Variants in LINGO2 observed in about 807,000 individuals in gnomAD.
LINGO2 encodes leucine rich repeat and Ig domain containing 2.
In LINGO2, 14 loss-of-function variants were observed where a neutral mutation model predicts 30.6. That is an observed-to-expected ratio of 0.46 (90% CI 0.30 to 0.72). The LOEUF (loss-of-function observed/expected upper bound fraction) is 0.72. LINGO2 is among the 30% of genes least tolerant of loss of function. The pLI, the probability that LINGO2 is intolerant of heterozygous loss-of-function variation, is 0.07. For synonymous variants in LINGO2, 317 were observed against 288.5 expected (o/e 1.10, Z -1.00); for missense variants, 729 against 751.7 (o/e 0.97, Z 0.35).
intron 5 of LINGO2, among the ~76,000 whole-genome samples, chr9:27,959,938 T>G (rs1366846186): frequency 6.6e-6 from 1 of 152,176 alleles, no homozygotes; most frequent in Non-Finnish European, 1.5e-5. Flanking sequence ...GTTTCATGTA[T>G]GTTAAAGCTC....
chr9:28,748,364 T>C, the LINGO2 span, among the ~76,000 whole-genome samples: 1 of 142,116 alleles, frequency 7.0e-6, no homozygotes, highest in African/African-American at 2.7e-5. Context: ...TCCCTAGATA[T>C]TTATTTTACT....
intron 1 of LINGO2, among the ~76,000 whole-genome samples, chr9:28,478,580 G>T (rs973778245): frequency 6.6e-6 from 1 of 152,048 alleles, no homozygotes; most frequent in South Asian, 2.1e-4. Flanking sequence ...ATTCTTGAAT[G>T]ATTCCTATTG....
chr9:28,346,342 G>T (rs1819567908), intron 3 of LINGO2, among the ~76,000 whole-genome samples: 1 of 152,118 alleles, frequency 6.6e-6, no homozygotes, highest in South Asian at 2.1e-4. Context: ...ATGGCCTCCA[G>T]CTCCATCCAT....
intron 5 of LINGO2, among the ~76,000 whole-genome samples, chr9:27,995,489 A>T (rs1459517121): frequency 6.6e-6 from 1 of 152,208 alleles, no homozygotes; most frequent in Non-Finnish European, 1.5e-5. Flanking sequence ...TAAACAAAAT[A>T]TTAGCAAACC....
chr9:28,091,557 G>T (rs1425374775), intron 4 of LINGO2, among the ~76,000 whole-genome samples: 1 of 152,024 alleles, frequency 6.6e-6, no homozygotes, highest in Non-Finnish European at 1.5e-5. Flanking sequence ...AATTCAAGAT[G>T]GATTAAAGCT....
At chr9:28,347,797 T>C (rs1819650229) in intron 3 of LINGO2, among the ~76,000 whole-genome samples, 1 of 152,190 alleles carries the variant, frequency 6.6e-6, no homozygotes, top group Non-Finnish European at 1.5e-5. Flanking sequence ...GAGAACCACT[T>C]AAGTGGGAAG....
At chr9:28,093,543 C>T (rs535536237) in intron 4 of LINGO2, among the ~76,000 whole-genome samples, 3 of 151,724 alleles carry the variant, frequency 2.0e-5, no homozygotes, top group South Asian at 2.1e-4. Context: ...TTTTTTTAAC[C>T]GTCACTTTTG....
At chr9:28,095,139 A>G (rs1826207767) in intron 4 of LINGO2, among the ~76,000 whole-genome samples, 1 of 152,170 alleles carries the variant, frequency 6.6e-6, no homozygotes, top group African/African-American at 2.4e-5. Context: ...AAGACAGAGC[A>G]ACACCTTCAG....
intron 1 of LINGO2, among the ~76,000 whole-genome samples, chr9:28,521,783 T>G (rs1820837904): frequency 1.3e-5 from 2 of 152,204 alleles, no homozygotes; most frequent in Non-Finnish European, 2.9e-5. Context: ...CATACTGGAT[T>G]GGAATGGGCC....
chr9:28,667,741 CAAAACA>C (rs914389308), intron 1 of LINGO2, among the ~76,000 whole-genome samples: 12 of 152,120 alleles, frequency 7.9e-5, no homozygotes, highest in African/African-American at 1.9e-4. Flanking sequence ...GAGCCTCTGT[CAAAACA>C]AAAACAAAAA....
chr9:29,213,545 A>T, the LINGO2 span, among the ~76,000 whole-genome samples: 1 of 152,056 alleles, frequency 6.6e-6, no homozygotes, highest in Non-Finnish European at 1.5e-5. Context: ...GGCGGGACGC[A>T]GGATAGCCGG....
At chr9:28,899,412 C>G in the LINGO2 span, among the ~76,000 whole-genome samples, 1 of 152,190 alleles carries the variant, frequency 6.6e-6, no homozygotes, top group Non-Finnish European at 1.5e-5. Flanking sequence ...ACCCCACAGA[C>G]TCAGTCTCCA....
At chr9:28,199,022 T>C (rs942230204) in intron 4 of LINGO2, among the ~76,000 whole-genome samples, 1 of 143,760 alleles carries the variant, frequency 7.0e-6, no homozygotes, top group East Asian at 1.9e-4. Flanking sequence ...GAAGATTTCC[T>C]AGATAATTTC....
At chr9:28,073,232 G>C (rs1449531198) in intron 4 of LINGO2, among the ~76,000 whole-genome samples, 1 of 151,982 alleles carries the variant, frequency 6.6e-6, no homozygotes, top group African/African-American at 2.4e-5. Context: ...CTTATCATTA[G>C]TTAAGGCCTA....
chr9:28,035,037 T>G (rs966065117), intron 4 of LINGO2, among the ~76,000 whole-genome samples: 1 of 152,234 alleles, frequency 6.6e-6, no homozygotes, highest in Non-Finnish European at 1.5e-5. Flanking sequence ...TCAACATCCA[T>G]GCAACTCCTT....
intron 4 of LINGO2, among the ~76,000 whole-genome samples, chr9:28,278,337 G>A (rs543703949): frequency 2.0e-5 from 3 of 152,292 alleles, no homozygotes; most frequent in African/African-American, 7.2e-5. Context: ...CCAAACAATA[G>A]ATTTTCAATT....
exon 6 of LINGO2, chr9:27,949,364 T>C: frequency 6.2e-7 from 1 of 1,614,132 alleles, no homozygotes; most frequent in East Asian, 2.2e-5. Context: ...GCTGCGGGTC[T>C]CCATCTGCAC....
intron 4 of LINGO2, among the ~76,000 whole-genome samples, chr9:28,287,934 A>G (rs573884281): frequency 6.6e-6 from 1 of 152,310 alleles, no homozygotes; most frequent in African/African-American, 2.4e-5. Context: ...TTTTCACTGG[A>G]AGACATTTAT....
At chr9:28,656,057 T>C (rs913032421) in intron 1 of LINGO2, among the ~76,000 whole-genome samples, 2 of 152,032 alleles carry the variant, frequency 1.3e-5, no homozygotes, top group Admixed American at 6.6e-5. Context: ...GCTGTAAATA[T>C]AGGTGTCAAA....
Sources: gnomAD v4.1 joint callset for allele counts (sites outside exome capture counted in the v4.1 genomes callset) on GRCh38, gnomAD v4.1.1 for gene constraint, MANE v1.5 for transcripts, NCBI Gene and HGNC (gene_info 2026-07-23, HGNC 2026-07-21) for gene names.